CSMD1: variants seen among roughly 807,000 people sequenced by gnomAD.
CSMD1 encodes the protein CUB and sushi domain-containing protein 1.
In CSMD1, 213 loss-of-function variants were observed where a neutral mutation model predicts 417.5. That is an observed-to-expected ratio of 0.51 (90% confidence interval 0.46 to 0.57). CSMD1 has a LOEUF of 0.57. Among genes scored for constraint, CSMD1 ranks in the 20% least tolerant of loss-of-function variants. CSMD1 has a pLI of 0.00. For missense variants in CSMD1, 6,923 were observed against 4,529.7 expected, an observed-to-expected ratio of 1.53 and a Z score of -15.17; for synonymous variants, 2,862 against 1,736.8, an observed-to-expected ratio of 1.65 and a Z score of -16.11.
At position 3,295,783 on chromosome 8, in the gene CSMD1, G is replaced by A. The variant is rs1803918713; in HGVS notation, c.3951-11437C>T. Reference sequence around the variant, plus strand: ...TATATATAGAAAATTTGATGGTTGTGGAATGGTGTCTTGTTTAAATTACTT... The same window carrying A: ...TATATATAGAAAATTTGATGGTTGTAGAATGGTGTCTTGTTTAAATTACTT... On this transcript the variant is annotated intron_variant, in intron 25 of 69. Transcript: ENST00000635120. 2.0e-5 allele frequency among the ~76,000 whole-genome samples: 3 copies of A among 152,266 alleles called. No homozygotes were observed. In the South Asian group the frequency reaches 6.2e-4, roughly 32 times the overall value.
intron 52 of CSMD1, among the ~76,000 whole-genome samples, chr8:3,013,821 A>G (rs4876062): frequency 0.093 from 14,080 of 152,064 alleles, 709 homozygotes; most frequent in African/African-American, 0.13. Flanking sequence ...AATGCATAGC[A>G]ATTCCTCAAG....
chr8:4,363,497 A>G (rs907224316), intron 3 of CSMD1, among the ~76,000 whole-genome samples: 5 of 152,194 alleles, frequency 3.3e-5, no homozygotes, highest in Admixed American at 3.3e-4. Flanking sequence ...GAGGAAAAGC[A>G]TACTTTTATT....
intron 5 of CSMD1, among the ~76,000 whole-genome samples, chr8:3,960,572 T>C (rs1442796115): frequency 6.6e-6 from 1 of 152,142 alleles, no homozygotes; most frequent in Middle Eastern, 3.2e-3. Context: ...GAGGATTTAA[T>C]TACTGATAAA....
chr8:3,706,458 C>A (rs1801174977), intron 7 of CSMD1, among the ~76,000 whole-genome samples: 1 of 152,160 alleles, frequency 6.6e-6, no homozygotes, highest in Non-Finnish European at 1.5e-5. Flanking sequence ...GTTTCCATTC[C>A]TCATTTTCCC....
intron 2 of CSMD1, among the ~76,000 whole-genome samples, chr8:4,462,899 T>A (rs924037645): frequency 3.9e-5 from 6 of 152,144 alleles, no homozygotes; most frequent in African/African-American, 1.4e-4. Flanking sequence ...TGTAACCTGA[T>A]GTTAAGCAAA....
At chr8:4,168,922 C>T (rs1242618957) in intron 3 of CSMD1, among the ~76,000 whole-genome samples, 1 of 152,184 alleles carries the variant, frequency 6.6e-6, no homozygotes, top group Non-Finnish European at 1.5e-5. Flanking sequence ...AGGCCTTGCT[C>T]TGTTTAACCT....
chr8:4,542,339 A>G (rs1407390728), intron 2 of CSMD1, among the ~76,000 whole-genome samples: 1 of 150,582 alleles, frequency 6.6e-6, no homozygotes, highest in Non-Finnish European at 1.5e-5. Context: ...AGAAAATAAA[A>G]GATACAAACT....
At chr8:3,012,064 G>T (rs1373331957) in intron 52 of CSMD1, among the ~76,000 whole-genome samples, 2 of 152,208 alleles carry the variant, frequency 1.3e-5, no homozygotes, top group African/African-American at 4.8e-5. Context: ...GCAATTTACA[G>T]AACTCTGAAC....
chr8:4,364,006 T>A (rs1801927156), intron 3 of CSMD1, among the ~76,000 whole-genome samples: 1 of 152,134 alleles, frequency 6.6e-6, no homozygotes, highest in Non-Finnish European at 1.5e-5. Context: ...CTGACTGTAG[T>A]CAATAATTTA....
At chr8:3,065,583 T>C (rs903054324) in intron 49 of CSMD1, among the ~76,000 whole-genome samples, 25 of 151,808 alleles carry the variant, frequency 1.6e-4, no homozygotes, top group African/African-American at 6.1e-4. Context: ...GATACATAGA[T>C]ACACAGATCG....
chr8:4,768,134 T>C (rs6995494), intron 1 of CSMD1, among the ~76,000 whole-genome samples: 66,058 of 151,834 alleles, frequency 0.44, 14,721 homozygotes, highest in Admixed American at 0.59. Flanking sequence ...TATAAACAGA[T>C]GTTTTGGAAA....
At chr8:3,837,378 G>C (rs1423049734) in intron 5 of CSMD1, among the ~76,000 whole-genome samples, 3 of 152,130 alleles carry the variant, frequency 2.0e-5, no homozygotes, top group African/African-American at 7.2e-5. Context: ...TAAATGGTCT[G>C]CAGAAAATTG....
chr8:3,200,250 T>C (rs1393069957), intron 32 of CSMD1, among the ~76,000 whole-genome samples: 1 of 152,056 alleles, frequency 6.6e-6, no homozygotes, highest in Non-Finnish European at 1.5e-5. Flanking sequence ...GAAGTATATT[T>C]TTAACCTTTA....
At chr8:4,681,518 A>C (rs1240179384) in intron 1 of CSMD1, among the ~76,000 whole-genome samples, 2 of 152,180 alleles carry the variant, frequency 1.3e-5, no homozygotes, top group Non-Finnish European at 2.9e-5. Flanking sequence ...AGGTAAGCCA[A>C]GATCTTTCCT....
intron 5 of CSMD1, among the ~76,000 whole-genome samples, chr8:3,788,514 C>T (rs1409806289): frequency 1.3e-5 from 2 of 152,118 alleles, no homozygotes; most frequent in African/African-American, 4.8e-5. Context: ...TCAATAGTTT[C>T]CTTCATCTCA....
intron 1 of CSMD1, among the ~76,000 whole-genome samples, chr8:4,814,613 A>G (rs1169509428): frequency 1.3e-5 from 2 of 152,134 alleles, no homozygotes; most frequent in East Asian, 1.9e-4. Flanking sequence ...CTATATTTTA[A>G]TTAGTATTGA....
chr8:3,326,833 C>T (rs1369921171), intron 23 of CSMD1, among the ~76,000 whole-genome samples: 1 of 151,912 alleles, frequency 6.6e-6, no homozygotes, highest in Non-Finnish European at 1.5e-5. Flanking sequence ...TGTAAAAATG[C>T]CTTTTCAGGA....
At chr8:4,056,961 G>C (rs962367032) in intron 3 of CSMD1, among the ~76,000 whole-genome samples, 1 of 152,168 alleles carries the variant, frequency 6.6e-6, no homozygotes, top group African/African-American at 2.4e-5. Flanking sequence ...TTGGTTCCAA[G>C]TCTTTGCTAT....
At chr8:4,391,849 G>A (rs1459194230) in intron 3 of CSMD1, among the ~76,000 whole-genome samples, 1 of 152,136 alleles carries the variant, frequency 6.6e-6, no homozygotes, top group Non-Finnish European at 1.5e-5. Context: ...TGAGTCAATA[G>A]CCTCTGTTCT....
Sources: allele counts gnomAD v4.1 joint callset (sites outside exome capture counted in the v4.1 genomes callset), GRCh38; gene constraint gnomAD v4.1.1; transcripts MANE v1.5; gene names NCBI Gene and HGNC (gene_info 2026-07-23, HGNC 2026-07-21).